Variants in RSPH14 observed in about 807,000 individuals in gnomAD.
RSPH14 encodes the protein rhabdoid tumor deletion region gene 1.
A neutral mutation model predicts 26.7 loss-of-function variants in RSPH14; 20 were observed. That is an observed-to-expected ratio of 0.75 (90% CI 0.53 to 1.09). RSPH14 has a LOEUF of 1.09. RSPH14 is among the 50% of genes least tolerant of loss of function. RSPH14 has a pLI of 0.00. For missense variants in RSPH14, 449 were observed against 457.2 expected (o/e 0.98, Z 0.16); for synonymous variants, 177 against 189.3 (o/e 0.93, Z 0.53).
chr22:23,079,627 A>G (rs1400310850), intron 4 of RSPH14, among the ~76,000 whole-genome samples: 1 of 152,222 alleles, frequency 6.6e-6, no homozygotes, highest in Non-Finnish European at 1.5e-5. Context: ...TTTTACAAGG[A>G]TGCCCCTGGC....
At chr22:23,090,424 G>C (rs1015534519) in intron 4 of RSPH14, among the ~76,000 whole-genome samples, 1 of 152,122 alleles carries the variant, frequency 6.6e-6, no homozygotes, top group Non-Finnish European at 1.5e-5. Flanking sequence ...CTGGATGTTT[G>C]CATCCAGGAG....
chr22:23,132,463 C>G (rs2070375702), intron 4 of RSPH14, among the ~76,000 whole-genome samples: 1 of 152,180 alleles, frequency 6.6e-6, no homozygotes, highest in Non-Finnish European at 1.5e-5. Flanking sequence ...GAACTGTATG[C>G]AACATTGCCT....
intron 6 of RSPH14, among the ~76,000 whole-genome samples, chr22:23,060,100 G>A (rs1315440963): frequency 2.0e-5 from 3 of 152,066 alleles, no homozygotes; most frequent in Admixed American, 1.3e-4. Context: ...GATCACTAGA[G>A]CCTGGGAGTT....
chr22:23,140,531 C>T (rs4822361), intron 1 of RSPH14, 59 bp from the exon 2 acceptor site: 787,833 of 1,481,310 alleles, frequency 0.53, 212,135 homozygotes, highest in Middle Eastern at 0.58. Flanking sequence ...TACTTCTCAT[C>T]TGATCCTCCA....
chr22:23,075,341 C>T (rs1280070665), intron 4 of RSPH14, among the ~76,000 whole-genome samples: 1 of 152,218 alleles, frequency 6.6e-6, no homozygotes, highest in South Asian at 2.1e-4. Context: ...AGGCAATTGC[C>T]TGCTGCAATT....
chr22:23,134,971 G>A (rs1427457557), intron 3 of RSPH14, among the ~76,000 whole-genome samples: 1 of 152,204 alleles, frequency 6.6e-6, no homozygotes, highest in Non-Finnish European at 1.5e-5. Context: ...AGGAGTTCAA[G>A]ACCAGCCTGG....
At chr22:23,143,330 A>AATAG (rs59478559), upstream of RSPH14, among the ~76,000 whole-genome samples, 5 of 145,392 alleles carry the variant, frequency 3.4e-5, no homozygotes, top group South Asian at 2.1e-4. Flanking sequence ...TAAATAAATA[A>AATAG]ATAGATATAA....
chr22:23,146,835 T>C, upstream of RSPH14: 5 of 1,409,154 alleles, frequency 3.5e-6, no homozygotes, highest in Non-Finnish European at 4.6e-6. Flanking sequence ...GACTGGTCAC[T>C]GACTGCCCAA....
chr22:23,123,558 C>T, intron 4 of RSPH14: 1 of 624,866 alleles, frequency 1.6e-6, no homozygotes, highest in East Asian at 2.7e-5. Flanking sequence ...CACCCCTTGG[C>T]CTCTGCCTCC....
chr22:23,075,246 T>C (rs1298657077), intron 4 of RSPH14, among the ~76,000 whole-genome samples: 4 of 152,180 alleles, frequency 2.6e-5, no homozygotes, highest in African/African-American at 9.6e-5. Flanking sequence ...CGTTGGACTT[T>C]CAGGGCCGCT....
the RSPH14 span, among the ~76,000 whole-genome samples, chr22:23,175,030 T>C: frequency 1.3e-5 from 2 of 150,814 alleles, no homozygotes; most frequent in Non-Finnish European, 1.5e-5. Context: ...AGAGTCTCGC[T>C]CTGTCACCCA....
In RSPH14 at chr22:23,079,986, C is replaced by G. The variant is rs897889414; in HGVS notation, c.422-15853G>C. Among the ~76,000 whole-genome samples the G allele has an allele frequency of 2.0e-5, 3 of 152,090 alleles. 1 individual carries two copies. In the South Asian group the frequency reaches 6.2e-4, roughly 32 times the overall value. The stretch of plus-strand genomic sequence containing the variant: ...AAGACCCAGAAGGTGAAATCAGATT[C>G]CCCACTCAAGTGAGGGTTTGATGGA... On this transcript the variant is annotated intron_variant, in intron 4 of 6. Transcript: ENST00000216036.
chr22:23,146,818 G>T (rs537853624), upstream of RSPH14: 6 of 1,412,332 alleles, frequency 4.2e-6, no homozygotes, highest in Non-Finnish European at 5.6e-6. Context: ...ACCTTGAGGA[G>T]CTGGGAGACT....
intron 4 of RSPH14, among the ~76,000 whole-genome samples, chr22:23,066,026 C>A (rs573555675): frequency 6.6e-6 from 1 of 152,272 alleles, no homozygotes; most frequent in East Asian, 1.9e-4. Flanking sequence ...GTCTCCCTAC[C>A]CACTCCTGGC....
At chr22:23,103,135 G>C (rs1300627589) in intron 4 of RSPH14, among the ~76,000 whole-genome samples, 2 of 152,336 alleles carry the variant, frequency 1.3e-5, no homozygotes, top group East Asian at 1.9e-4. Flanking sequence ...TGAGGGGCTA[G>C]AGCTGGCTCA....
At chr22:23,157,480 T>G in the RSPH14 span, among the ~76,000 whole-genome samples, 1 of 152,054 alleles carries the variant, frequency 6.6e-6, no homozygotes, top group African/African-American at 2.4e-5. Context: ...AGGATGGTCT[T>G]GATCTCCTGA....
chr22:23,101,938 G>A (rs1219567215), intron 4 of RSPH14, among the ~76,000 whole-genome samples: 4 of 152,156 alleles, frequency 2.6e-5, no homozygotes, highest in African/African-American at 9.7e-5. Context: ...TCCCCAGCCC[G>A]CATCCCTCTC....
At chr22:23,153,055 C>G in the RSPH14 span, 18 of 1,613,882 alleles carry the variant, frequency 1.1e-5, no homozygotes, top group Non-Finnish European at 1.4e-5. Context: ...TGTTTTTGAT[C>G]GAGACTACAA....
chr22:23,137,196 A>C (rs2070498029), intron 3 of RSPH14, among the ~76,000 whole-genome samples: 1 of 138,260 alleles, frequency 7.2e-6, no homozygotes, highest in African/African-American at 2.6e-5. Context: ...GGGTTCAAGC[A>C]ATTCTTGTGC....
Sources: gnomAD v4.1 joint callset for allele counts (sites outside exome capture counted in the v4.1 genomes callset) on GRCh38, gnomAD v4.1.1 for gene constraint, MANE v1.5 for transcripts, NCBI Gene and HGNC (gene_info 2026-07-23, HGNC 2026-07-21) for gene names.